ACACA: variants seen among roughly 807,000 people sequenced by gnomAD.
The protein encoded by ACACA is acetyl-CoA carboxylase 1.
In ACACA, 103 loss-of-function variants were observed where a neutral mutation model predicts 296.1. The observed-to-expected ratio is 0.35, with a 90% CI of 0.30 to 0.41. The LOEUF is 0.41. Ranked by LOEUF, ACACA falls within the 10% of genes least tolerant of loss-of-function variation. The pLI is 1.00. For missense variants in ACACA, 1,554 were observed against 2,989.7 expected (o/e 0.52, Z 11.20); for synonymous variants, 953 against 1,038.6 (o/e 0.92, Z 1.58).
chr17:37,191,061 G>A (rs971702579), intron 38 of ACACA, 59 bp downstream of exon 38: 11 of 1,586,706 alleles, frequency 6.9e-6, no homozygotes, highest in Admixed American at 6.7e-5. Flanking sequence ...AGATAAATAT[G>A]AATGAACTTC....
intron 6 of ACACA, among the ~76,000 whole-genome samples, 192 bp downstream of exon 6, chr17:37,277,697 TGTATTAC>T (rs1431153107): frequency 6.6e-5 from 10 of 152,340 alleles, no homozygotes; most frequent in Admixed American, 6.5e-4. Context: ...ACCTTCTGTT[TGTATTAC>T]GTTTACTTTA....
intron 52 of ACACA, among the ~76,000 whole-genome samples, chr17:37,104,057 A>G (rs1359295140): frequency 1.3e-5 from 2 of 152,188 alleles, no homozygotes; most frequent in Admixed American, 6.5e-5. Context: ...CTTGGGCCAC[A>G]TTGGAAGAAG....
At chr17:37,330,458 TTA>T (rs1384373432) in intron 2 of ACACA, 33 bp from the exon 3 acceptor site, 1 of 1,612,854 alleles carries the variant, frequency 6.2e-7, no homozygotes, top group African/African-American at 1.3e-5. Context: ...GAAAGGCAGG[TTA>T]TGAATAATAA....
intron 26 of ACACA, 31 bp from the exon 27 acceptor site, chr17:37,225,136 T>C: frequency 7.8e-7 from 1 of 1,277,022 alleles, no homozygotes; most frequent in Non-Finnish European, 1.1e-6. Flanking sequence ...GAGGCACACA[T>C]TCCTCGGAGT....
At chr17:37,163,969 T>C (rs939628276) in intron 41 of ACACA, among the ~76,000 whole-genome samples, 1 of 152,226 alleles carries the variant, frequency 6.6e-6, no homozygotes. Flanking sequence ...TATTCATTCA[T>C]ACGCTAGTTA....
intron 16 of ACACA, among the ~76,000 whole-genome samples, chr17:37,251,776 C>A (rs917823059): frequency 6.6e-6 from 1 of 152,148 alleles, no homozygotes; most frequent in East Asian, 1.9e-4. Flanking sequence ...AAAGAAGCAA[C>A]CTGTTCTAAC....
intron 25 of ACACA, among the ~76,000 whole-genome samples, chr17:37,233,621 C>A (rs2079968588): frequency 6.6e-6 from 1 of 152,154 alleles, no homozygotes; most frequent in African/African-American, 2.4e-5. Context: ...CTACCCTCCT[C>A]ATCATTACCC....
chr17:37,307,973 GAAC>G lies in ACACA; in HGVS notation c.338+22197_338+22199del, dbSNP rs374184083. ...AAAAAAAAAAATCAAAGACACAGAA[GAAC>G]AACAAACTGAAAAACTGAACATACA... On this transcript the variant is annotated intron_variant, in intron 3 of 55. Transcript: ENST00000616317. Among the ~76,000 whole-genome samples, 11 of 151,680 alleles carry G rather than the reference GAAC, an allele frequency of 7.3e-5. No homozygotes were observed. The East Asian group carries it at 1.7e-3, about 24-fold the overall frequency.
At chr17:37,395,323 G>A (rs1158867756) in intron 1 of ACACA, among the ~76,000 whole-genome samples, 3 of 151,606 alleles carry the variant, frequency 2.0e-5, no homozygotes, top group Non-Finnish European at 4.4e-5. Context: ...CCAGCTACTC[G>A]GGAGGCTAAG....
chr17:37,093,236 T>C (rs2072763419), intron 54 of ACACA, among the ~76,000 whole-genome samples: 1 of 152,182 alleles, frequency 6.6e-6, no homozygotes, highest in Non-Finnish European at 1.5e-5. Context: ...TTCATTTCAC[T>C]TGGAAATCCA....
At chr17:37,301,228 G>A (rs2083601815) in intron 3 of ACACA, among the ~76,000 whole-genome samples, 1 of 152,138 alleles carries the variant, frequency 6.6e-6, no homozygotes, top group African/African-American at 2.4e-5. Flanking sequence ...CAAAAGCAAA[G>A]CTAGAGATCT....
chr17:37,210,590 T>C (rs2145449204), intron 29 of ACACA, 100 bp from the exon 30 acceptor site: 1 of 1,119,756 alleles, frequency 8.9e-7, no homozygotes, highest in Non-Finnish European at 1.4e-6. Flanking sequence ...GAGCTCCAGT[T>C]TGGCAGCTCT....
chr17:37,308,456 A>G (rs2083983359), intron 3 of ACACA, among the ~76,000 whole-genome samples: 1 of 152,220 alleles, frequency 6.6e-6, no homozygotes, highest in Non-Finnish European at 1.5e-5. Context: ...GAATGAGGAC[A>G]AGGGAATCAC....
At chr17:37,257,513 A>T (rs1043449188) in intron 14 of ACACA, among the ~76,000 whole-genome samples, 190 bp downstream of exon 14, 6 of 152,222 alleles carry the variant, frequency 3.9e-5, no homozygotes, top group African/African-American at 1.4e-4. Flanking sequence ...ACAGAAAAAC[A>T]TCTGCCAAGC....
intron 1 of ACACA, among the ~76,000 whole-genome samples, chr17:37,376,478 C>T (rs1214478727): frequency 6.6e-6 from 1 of 152,144 alleles, no homozygotes; most frequent in East Asian, 1.9e-4. Flanking sequence ...CAAATTCATA[C>T]TGTTCATAAG....
At chr17:37,186,808 C>A (rs1289548396) in intron 39 of ACACA, among the ~76,000 whole-genome samples, 10 of 151,812 alleles carry the variant, frequency 6.6e-5, no homozygotes, top group African/African-American at 2.4e-4. Context: ...AATACTAAAC[C>A]CTGATTGAAG....
At chr17:37,308,114 GA>G (rs2083966092) in intron 3 of ACACA, among the ~76,000 whole-genome samples, 2 of 152,100 alleles carry the variant, frequency 1.3e-5, no homozygotes. Flanking sequence ...TCAAAGGTCT[GA>G]AATCACATAG....
intron 41 of ACACA, among the ~76,000 whole-genome samples, chr17:37,165,589 C>T (rs1358376253): frequency 6.6e-6 from 1 of 152,100 alleles, no homozygotes. Context: ...AAGGTTCATC[C>T]AAATTCCATT....
At chr17:37,212,049 T>G (rs1376792969) in intron 29 of ACACA, among the ~76,000 whole-genome samples, 1 of 152,200 alleles carries the variant, frequency 6.6e-6, no homozygotes, top group Non-Finnish European at 1.5e-5. Flanking sequence ...GTTTTCCTTT[T>G]ACGATATAAA....
Sources: gnomAD v4.1 joint callset for allele counts (sites outside exome capture counted in the v4.1 genomes callset) on GRCh38, gnomAD v4.1.1 for gene constraint, MANE v1.5 for transcripts, NCBI Gene and HGNC (gene_info 2026-07-23, HGNC 2026-07-21) for gene names.